The following CACNA2D3 variants were observed in gnomAD, a reference collection of about 807,000 sequenced individuals.
The protein encoded by CACNA2D3 is calcium voltage-gated channel auxiliary subunit alpha2delta 3.
Under a neutral mutation model 160.6 loss-of-function variants are expected in CACNA2D3, and 60 were observed. The ratio of observed to expected loss-of-function variants is 0.37; its 90% CI spans 0.30 to 0.46. The LOEUF (loss-of-function observed/expected upper bound fraction) is 0.46, where lower values mean the gene tolerates loss of function less well. CACNA2D3 is among the 20% of genes least tolerant of loss of function. CACNA2D3 has a pLI of 1.00. For missense variants in CACNA2D3, 1,205 were observed against 1,365.0 expected, an observed-to-expected ratio of 0.88 and a Z score of 1.85; for synonymous variants, 558 against 492.9, an observed-to-expected ratio of 1.13 and a Z score of -1.75.
intron 27 of CACNA2D3, among the ~76,000 whole-genome samples, chr3:54,966,650 C>T (rs1453503171): frequency 6.6e-6 from 1 of 152,132 alleles, no homozygotes; most frequent in Non-Finnish European, 1.5e-5. Flanking sequence ...GAAACTTCAC[C>T]TCTACAGAAA....
chr3:54,234,577 T>C (rs768988669), intron 2 of CACNA2D3, among the ~76,000 whole-genome samples: 8 of 152,176 alleles, frequency 5.3e-5, no homozygotes, highest in Admixed American at 1.3e-4. Context: ...ATTACAGCAC[T>C]ATTCACAGTA....
chr3:54,570,354 A>T (rs558942112), intron 8 of CACNA2D3, among the ~76,000 whole-genome samples: 1 of 152,292 alleles, frequency 6.6e-6, no homozygotes, highest in South Asian at 2.1e-4. Context: ...ATCTGAGAGA[A>T]TGACACACCA....
intron 2 of CACNA2D3, among the ~76,000 whole-genome samples, chr3:54,290,962 A>G (rs925991032): frequency 1.3e-5 from 2 of 152,186 alleles, no homozygotes; most frequent in African/African-American, 4.8e-5. Context: ...ATGCTAAATG[A>G]CGAGTTAATG....
At position 54,600,564 on chromosome 3, in the gene CACNA2D3, CAG is replaced by C. The variant is rs367779567; in HGVS notation, c.963+18688_963+18689del. On this transcript the variant is annotated intron_variant, in intron 9 of 37. Transcript: ENST00000474759. ...GCTGAGTTCTCATTAGCATTCCACTCAGGGGTCAGGAGCTGAGTTACTGGCTT... is the reference window on the plus strand; with the variant it reads ...GCTGAGTTCTCATTAGCATTCCACTCGGGTCAGGAGCTGAGTTACTGGCTT... Among the ~76,000 whole-genome samples, 114 of 152,282 alleles carry C rather than the reference CAG, an allele frequency of 7.5e-4. 1 individual carries two copies. Among genetic ancestry groups the C allele is most frequent in the African/African-American group, 2.7e-3 (112 of 41,556 alleles).
intron 3 of CACNA2D3, among the ~76,000 whole-genome samples, chr3:54,377,016 G>A (rs1699024630): frequency 6.6e-6 from 1 of 152,206 alleles, no homozygotes; most frequent in Non-Finnish European, 1.5e-5. Context: ...TCATTTTCGA[G>A]GAGAAAGAAA....
At chr3:54,132,249 T>G (rs977948087) in intron 2 of CACNA2D3, among the ~76,000 whole-genome samples, 1 of 152,254 alleles carries the variant, frequency 6.6e-6, no homozygotes, top group South Asian at 2.1e-4. Context: ...AGGTCCCTGT[T>G]GGAATGCTAT....
intron 17 of CACNA2D3, among the ~76,000 whole-genome samples, chr3:54,870,632 G>T (rs1699504850): frequency 6.6e-6 from 1 of 152,120 alleles, no homozygotes; most frequent in African/African-American, 2.4e-5. Flanking sequence ...GGCTTGCAGG[G>T]TGACTAACAC....
In CACNA2D3 at chr3:54,660,010, C is replaced by T. The variant is rs149537897; in HGVS notation, c.1167+17769C>T. On this transcript the variant is annotated intron_variant, in intron 11 of 37. Coordinates refer to ENST00000474759, the MANE Select transcript of CACNA2D3 (RefSeq NM_018398.3). ...ATAGGCAGACAAAATAATGACTTACCCTTTGAAGTCAATCCTGACAACCCA... is the reference window on the plus strand; with the variant it reads ...ATAGGCAGACAAAATAATGACTTACTCTTTGAAGTCAATCCTGACAACCCA... Among the ~76,000 whole-genome samples the T allele has an allele frequency of 1.6e-3, 242 of 152,224 alleles. 3 individuals carry two copies. The highest frequency in any genetic ancestry group is 5.5e-3 in the African/African-American group (230 of 41,552).
At chr3:54,685,255 G>A (rs1049551555) in intron 11 of CACNA2D3, among the ~76,000 whole-genome samples, 3 of 152,300 alleles carry the variant, frequency 2.0e-5, no homozygotes, top group East Asian at 3.9e-4. Context: ...TGAATGAATC[G>A]GAGGTCCTCA....
At chr3:55,013,029 C>G (rs560031640) in intron 34 of CACNA2D3, among the ~76,000 whole-genome samples, 2 of 152,198 alleles carry the variant, frequency 1.3e-5, no homozygotes, top group South Asian at 4.1e-4. Context: ...CCAAATAGAT[C>G]ATTTCAGCAT....
At chr3:54,272,754 A>G (rs1444981058) in intron 2 of CACNA2D3, 1 of 152,124 alleles carries the variant, frequency 6.6e-6, no homozygotes, top group Non-Finnish European at 1.5e-5. Context: ...TTCATCAGAA[A>G]GAAGGCACCA....
intron 9 of CACNA2D3, among the ~76,000 whole-genome samples, chr3:54,613,453 A>C (rs1179480629): frequency 6.6e-6 from 1 of 152,170 alleles, no homozygotes; most frequent in Non-Finnish European, 1.5e-5. Context: ...GTTTGGTTTT[A>C]TAGCCTGTGA....
intron 35 of CACNA2D3, among the ~76,000 whole-genome samples, chr3:55,018,838 C>A (rs566846089): frequency 2.0e-5 from 3 of 151,798 alleles, no homozygotes; most frequent in African/African-American, 7.2e-5. Flanking sequence ...GTGATTGGAT[C>A]TACTCTTACT....
rs1377092032 is a variant in CACNA2D3 at position 54,165,329 on chromosome 3, A to AGG, written c.204+41736_204+41737dup. Among the ~76,000 whole-genome samples the AGG allele has an allele frequency of 2.0e-4, 31 of 152,040 alleles. No homozygotes were observed. In the South Asian group the frequency reaches 3.8e-3, roughly 18 times the overall value. On this transcript the variant is annotated intron_variant, in intron 2 of 37. Coordinates refer to ENST00000474759, the MANE Select transcript of CACNA2D3 (RefSeq NM_018398.3). ...TTGGTGGTGGAACTGTCCCTGACTG[A>AGG]GGACCACTGAACTAGCTTACCCTAA...
chr3:54,838,452 A>G lies in CACNA2D3; in HGVS notation c.1471-116A>G. 3 of 801,680 alleles carry G rather than the reference A, an allele frequency of 3.7e-6. No individual in the cohort carries two copies. The South Asian group carries it at 4.4e-5, about 12-fold the overall frequency. 49.7% of individuals were successfully genotyped at this position (801,680 alleles called of 1,614,324 possible). A position where few individuals can be genotyped will look rare whatever the true frequency, so the allele number is the denominator to read the frequency against. On this transcript the variant is annotated intron_variant, in intron 15 of 37. Coordinates refer to ENST00000474759, the MANE Select transcript of CACNA2D3 (RefSeq NM_018398.3). ...TTCTTGGAGATATGGGTTAATCCTC[A>G]ATCTGTATCAGTTTGGGGAAGGCAC...
At chr3:54,732,434 G>T (rs925263820) in intron 11 of CACNA2D3, among the ~76,000 whole-genome samples, 32 of 152,286 alleles carry the variant, frequency 2.1e-4, no homozygotes, top group African/African-American at 7.5e-4. Context: ...GACAAGACAC[G>T]GGTCTGGGGT....
chr3:55,069,404 G>C (rs912437175), intron 35 of CACNA2D3, among the ~76,000 whole-genome samples: 1 of 151,960 alleles, frequency 6.6e-6, no homozygotes, highest in Non-Finnish European at 1.5e-5. Flanking sequence ...TTTTTAGCTA[G>C]TATTTTTATG....
chr3:54,323,423 T>G (rs6810202), intron 3 of CACNA2D3, among the ~76,000 whole-genome samples: 5 of 149,704 alleles, frequency 3.3e-5, no homozygotes, highest in Non-Finnish European at 7.4e-5. Context: ...CAGTGACCCT[T>G]CCCCCTCTTT....
At chr3:54,742,597 C>T (rs1260836565) in intron 11 of CACNA2D3, among the ~76,000 whole-genome samples, 3 of 152,066 alleles carry the variant, frequency 2.0e-5, no homozygotes, top group Non-Finnish European at 4.4e-5. Flanking sequence ...GAAATGATGC[C>T]GTCTGTCCAC....
Sources: allele counts gnomAD v4.1 joint callset (sites outside exome capture counted in the v4.1 genomes callset), GRCh38; gene constraint gnomAD v4.1.1; transcripts MANE v1.5; gene names NCBI Gene and HGNC (gene_info 2026-07-23, HGNC 2026-07-21).